FANCC: variants seen among roughly 807,000 people sequenced by gnomAD.
The protein encoded by FANCC is FA complementation group C, also known as Fanconi anemia group C protein.
In FANCC, 55 loss-of-function variants were observed where a neutral mutation model predicts 71.3. The ratio of observed to expected loss-of-function variants is 0.77; its 90% CI spans 0.62 to 0.97. The LOEUF is 0.97. FANCC is among the 50% of genes least tolerant of loss of function. The pLI, the probability that FANCC is intolerant of heterozygous loss-of-function variation, is 0.00. For missense variants in FANCC, 678 were observed against 670.9 expected (o/e 1.01, Z -0.12); for synonymous variants, 275 against 244.9 (o/e 1.12, Z -1.15).
chr9:95,317,181 AAG>A (rs1835803456), intron 1 of FANCC: 1 of 152,508 alleles, frequency 6.6e-6, no homozygotes. Context: ...AATGAACAAA[AAG>A]AACCAAAACG....
intron 6 of FANCC, among the ~76,000 whole-genome samples, chr9:95,158,402 G>GCAC (rs2135497148): frequency 6.6e-6 from 1 of 152,248 alleles, no homozygotes; most frequent in East Asian, 1.9e-4. Flanking sequence ...GAAGGTAAAT[G>GCAC]TTGAAAGGAT....
intron 7 of FANCC, 149 bp from the exon 8 acceptor site, chr9:95,135,651 A>G: frequency 3.0e-6 from 2 of 674,108 alleles, no homozygotes; most frequent in South Asian, 3.7e-5. Context: ...GAATCAGTGA[A>G]TATTTACCAA....
chr9:95,174,786 G>A (rs1470118234), intron 4 of FANCC, among the ~76,000 whole-genome samples: 1 of 152,008 alleles, frequency 6.6e-6, no homozygotes, highest in Admixed American at 6.6e-5. Context: ...TCTAATCCAG[G>A]GTGGAGGCTA....
rs1287795709 is a variant in FANCC at position 95,161,205 on chromosome 9, ACT to A, written c.521+9872_521+9873del. Among the ~76,000 whole-genome samples, 8 of 152,050 alleles carry A rather than the reference ACT, an allele frequency of 5.3e-5. No homozygotes were observed. In the East Asian group the frequency reaches 1.5e-3, roughly 29 times the overall value. ...GCTGCCAAGGCCTTATACATTATAC[ACT>A]CTTTCTTCTTATCCACTGTCTTTAG... On this transcript the variant is annotated intron_variant, in intron 6 of 14. Transcript: ENST00000289081.
intron 4 of FANCC, among the ~76,000 whole-genome samples, chr9:95,192,191 T>C (rs1383546709): frequency 6.6e-6 from 1 of 152,206 alleles, no homozygotes; most frequent in South Asian, 2.1e-4. Context: ...CTACATCTGC[T>C]GGGACCAACG....
rs556892728 is a variant in FANCC, at chr9:95,154,505, T to C, written c.522-4418A>G. Among the ~76,000 whole-genome samples, 3 of 152,318 alleles carry C rather than the reference T, an allele frequency of 2.0e-5. No homozygotes were observed. In the East Asian group the frequency reaches 5.8e-4, roughly 29 times the overall value. ...TATTTATTTACAGAATGGAATGCTA[T>C]ATGGCAGTTTAAATGAATAAACTGT... On this transcript the variant is annotated intron_variant, in intron 6 of 14. Transcript: ENST00000289081.
intron 10 of FANCC, among the ~76,000 whole-genome samples, chr9:95,124,536 C>T (rs372129528): frequency 2.0e-5 from 3 of 152,146 alleles, no homozygotes; most frequent in Non-Finnish European, 2.9e-5. Context: ...ACACACCTCC[C>T]GCTCACTGCC....
At chr9:95,229,636 A>G (rs1829863090) in intron 4 of FANCC, among the ~76,000 whole-genome samples, 1 of 152,182 alleles carries the variant, frequency 6.6e-6, no homozygotes, top group South Asian at 2.1e-4. Context: ...TTAATCTGGA[A>G]CATGTTTAGT....
At chr9:95,301,816 G>A (rs1046285501) in intron 1 of FANCC, among the ~76,000 whole-genome samples, 11 of 151,470 alleles carry the variant, frequency 7.3e-5, no homozygotes, top group East Asian at 5.8e-4. Flanking sequence ...GGTGGCTCAC[G>A]CCTGTAATCC....
At chr9:95,133,911 C>T (rs1429441243) in intron 8 of FANCC, among the ~76,000 whole-genome samples, 1 of 152,226 alleles carries the variant, frequency 6.6e-6, no homozygotes, top group Non-Finnish European at 1.5e-5. Flanking sequence ...GTACTGCAAC[C>T]ATTTTAAAAT....
intron 7 of FANCC, among the ~76,000 whole-genome samples, chr9:95,137,347 C>A (rs1827850055): frequency 6.6e-6 from 1 of 152,108 alleles, no homozygotes; most frequent in African/African-American, 2.4e-5. Flanking sequence ...CCCGGGGAGA[C>A]TGCGGAGGAG....
At chr9:95,290,846 G>C (rs1293553525) in intron 1 of FANCC, among the ~76,000 whole-genome samples, 1 of 152,030 alleles carries the variant, frequency 6.6e-6, no homozygotes, top group Non-Finnish European at 1.5e-5. Flanking sequence ...CTAGCAAACA[G>C]AATTCAACAA....
At chr9:95,180,320 A>C (rs544736899) in intron 4 of FANCC, among the ~76,000 whole-genome samples, 1 of 150,030 alleles carries the variant, frequency 6.7e-6, no homozygotes, top group East Asian at 2.0e-4. Context: ...ACCTGCCTAA[A>C]GCTGTCTTAC....
At chr9:95,310,328 C>T (rs2896943) in intron 1 of FANCC, among the ~76,000 whole-genome samples, 187 of 151,602 alleles carry the variant, frequency 1.2e-3, no homozygotes, top group Non-Finnish European at 2.3e-3. Context: ...GTTCGTGCCA[C>T]TGCACTCCTG....
At chr9:95,245,853 T>G (rs1830935094) in intron 3 of FANCC, among the ~76,000 whole-genome samples, 1 of 149,524 alleles carries the variant, frequency 6.7e-6, no homozygotes, top group African/African-American at 2.5e-5. Flanking sequence ...GCCGAGATAG[T>G]GCCATTGCAC....
intron 1 of FANCC, among the ~76,000 whole-genome samples, chr9:95,261,929 CA>C (rs1832077475): frequency 6.6e-6 from 1 of 152,136 alleles, no homozygotes; most frequent in African/African-American, 2.4e-5. Flanking sequence ...CAAGGGAAAC[CA>C]GCCATGGGGC....
intron 1 of FANCC, among the ~76,000 whole-genome samples, chr9:95,300,104 A>G (rs1390810638): frequency 6.6e-6 from 1 of 152,208 alleles, no homozygotes; most frequent in African/African-American, 2.4e-5. Flanking sequence ...AATATAGGGA[A>G]TAAAAAAGGA....
chr9:95,179,755 TA>T (rs373881893), intron 4 of FANCC, among the ~76,000 whole-genome samples: 7 of 152,216 alleles, frequency 4.6e-5, no homozygotes, highest in South Asian at 2.1e-4. Flanking sequence ...CTTATAAAAA[TA>T]AAAAAATAAA....
chr9:95,306,205 C>T (rs1305578998), intron 1 of FANCC, among the ~76,000 whole-genome samples: 1 of 152,166 alleles, frequency 6.6e-6, no homozygotes, highest in African/African-American at 2.4e-5. Flanking sequence ...TACAGAAGAA[C>T]AGGACAAAAA....
Sources: allele counts gnomAD v4.1 joint callset (sites outside exome capture counted in the v4.1 genomes callset), GRCh38; gene constraint gnomAD v4.1.1; transcripts MANE v1.5; gene names NCBI Gene and HGNC (gene_info 2026-07-23, HGNC 2026-07-21).